Variants in ABCB5 observed in about 807,000 individuals in gnomAD.
ABCB5 encodes the protein ATP-binding cassette sub-family B member 5.
In ABCB5, 155 loss-of-function variants were observed where a neutral mutation model predicts 144.2. The observed-to-expected ratio is 1.08, with a 90% confidence interval of 0.94 to 1.23. The LOEUF is 1.23. Among genes scored for constraint, ABCB5 ranks in the 50% most tolerant of loss-of-function variants. ABCB5 has a pLI of 0.00. For synonymous variants in ABCB5, 610 were observed against 528.6 expected, an observed-to-expected ratio of 1.15 and a Z score of -2.11; for missense variants, 1,830 against 1,520.8, an observed-to-expected ratio of 1.20 and a Z score of -3.38.
In ABCB5 at chr7:20,739,362, T is replaced by C. The variant is rs533867494; in HGVS notation, c.3024+223T>C. 2.6e-3 allele frequency among the ~76,000 whole-genome samples: 398 copies of C among 151,612 alleles called. 1 individual carries two copies. The highest frequency in any genetic ancestry group is 9.1e-3 in the African/African-American group (378 of 41,348). On this transcript the variant is annotated intron_variant, in intron 24 of 27. Transcript: ENST00000404938. ...TATACTCCTGGATCTAAAATAAAAG[T>C]TGAAAAAATAAAATGTAACATAAAT...
At chr7:20,745,604 T>C (rs1384861791) in intron 26 of ABCB5, among the ~76,000 whole-genome samples, 166 bp downstream of exon 26, 3 of 151,966 alleles carry the variant, frequency 2.0e-5, no homozygotes, top group African/African-American at 7.2e-5. Context: ...AAACCAAGTT[T>C]GAGATTTTCG....
intron 14 of ABCB5, among the ~76,000 whole-genome samples, chr7:20,667,801 C>A (rs558759820): frequency 2.7e-5 from 4 of 150,346 alleles, no homozygotes; most frequent in Admixed American, 2.6e-4. Flanking sequence ...GCTGCCATCT[C>A]GGCTCACTGC....
chr7:20,702,471 T>C (rs546555532), intron 19 of ABCB5, among the ~76,000 whole-genome samples: 1 of 152,238 alleles, frequency 6.6e-6, no homozygotes, highest in South Asian at 2.1e-4. Context: ...TTCAGTCAGA[T>C]GGCAGGCCGA....
At chr7:20,747,591 T>TA (rs1273110959) in intron 26 of ABCB5, among the ~76,000 whole-genome samples, 6 of 152,216 alleles carry the variant, frequency 3.9e-5, no homozygotes, top group African/African-American at 1.4e-4. Context: ...TATTATCTTC[T>TA]ATTCTTTTTA....
intron 2 of ABCB5, 101 bp from the exon 3 acceptor site, chr7:20,626,456 C>A: frequency 1.1e-6 from 1 of 927,198 alleles, no homozygotes; most frequent in South Asian, 1.8e-5. Context: ...TATAAATTTG[C>A]TACCAAGGTG....
chr7:20,755,353 T>G, intron 27 of ABCB5, 74 bp from the exon 28 acceptor site: 1 of 1,362,616 alleles, frequency 7.3e-7, no homozygotes, highest in Non-Finnish European at 1.0e-6. Context: ...TTAGACTACC[T>G]TAATTGATTT....
intron 14 of ABCB5, among the ~76,000 whole-genome samples, chr7:20,669,168 C>G (rs1228314940): frequency 2.7e-5 from 4 of 149,200 alleles, no homozygotes; most frequent in Non-Finnish European, 5.9e-5. Context: ...TCTGCCCGGC[C>G]GCCCCTACTG....
rs1172285058 is a variant in ABCB5, at chr7:20,726,358, C to CTTTTTTTTTTTTTTT, written c.2626-672_2626-658dup. Among the ~76,000 whole-genome samples, 6 of 78,420 alleles carry CTTTTTTTTTTTTTTT rather than the reference C, an allele frequency of 7.7e-5. 1 individual carries two copies. The highest frequency in any genetic ancestry group is 4.0e-4 in the Admixed American group (2 of 4,998). 51.4% of individuals were successfully genotyped at this position (78,420 alleles called of 152,430 possible). A position where few individuals can be genotyped will look rare whatever the true frequency, so the allele number is the denominator to read the frequency against. ...TATGTGATTACTTTATCTCTGCTAT[C>CTTTTTTTTTTTTTTT]TTTTTTTTTTTTTTTTTTTTTTTTG... On this transcript the variant is annotated intron_variant, in intron 21 of 27. Transcript: ENST00000404938.
rs71020669 is a variant in ABCB5 at position 20,704,075 on chromosome 7, C to CTTT, written c.2338-635_2338-633dup. On this transcript the variant is annotated intron_variant, in intron 19 of 27. Transcript: ENST00000404938. ...CTAAATTGTGTTGTTTATTGCCTTCCTTTTTTTTTTTTTTTTGTGAGACAG... is the reference window on the plus strand; with the variant it reads ...CTAAATTGTGTTGTTTATTGCCTTCCTTTTTTTTTTTTTTTTTTTGTGAGACAG... Among the ~76,000 whole-genome samples, 6 of 80,762 alleles carry CTTT rather than the reference C, an allele frequency of 7.4e-5. 1 individual carries two copies. The highest frequency in any genetic ancestry group is 1.3e-4 in the Non-Finnish European group (6 of 46,386). 53.0% of individuals were successfully genotyped at this position (80,762 alleles called of 152,430 possible).
rs369958537 is a variant in ABCB5, at chr7:20,626,583, G to T, written c.80G>T (p.Arg27Ile). The T allele has an allele frequency of 5.8e-5, 94 of 1,608,284 alleles. 1 individual carries two copies. The highest frequency in any genetic ancestry group is 7.8e-5 in the Non-Finnish European group (92 of 1,177,236). ...ACTGCAGAAGAACAGCCAAAACTGAGAAAGGAAGCAGTTGGATCTATTGAG... is the reference window on the plus strand; with the variant it reads ...ACTGCAGAAGAACAGCCAAAACTGATAAAGGAAGCAGTTGGATCTATTGAG... ...NGTAEEQPKL[R>I]KEAVGSIEIF... The change falls in exon 3 of 28, where the codon AGA (arginine) becomes ATA (isoleucine). Residue 27 changes from arginine to isoleucine, a missense_variant. Physicochemically the swap from Arg to Ile is moderately conservative, Grantham distance 97. Transcript: ENST00000404938.
At chr7:20,670,542 C>G (rs142146753) in intron 14 of ABCB5, among the ~76,000 whole-genome samples, 12 of 152,282 alleles carry the variant, frequency 7.9e-5, no homozygotes, top group African/African-American at 2.6e-4. Flanking sequence ...TTTTGTTATA[C>G]CATTCATAAG....
chr7:20,719,328 AG>A (rs1781785237), intron 20 of ABCB5, among the ~76,000 whole-genome samples: 1 of 152,198 alleles, frequency 6.6e-6, no homozygotes, highest in Admixed American at 6.5e-5. Context: ...TAAAATGTGT[AG>A]TTCTTATAAA....
At chr7:20,754,588 C>A (rs1207255110) in intron 27 of ABCB5, among the ~76,000 whole-genome samples, 1 of 152,206 alleles carries the variant, frequency 6.6e-6, no homozygotes, top group Non-Finnish European at 1.5e-5. Flanking sequence ...CATAACCTCA[C>A]TGTTGGCTGA....
At chr7:20,736,798 T>C (rs1323810029) in intron 23 of ABCB5, among the ~76,000 whole-genome samples, 1 of 152,212 alleles carries the variant, frequency 6.6e-6, no homozygotes, top group Non-Finnish European at 1.5e-5. Context: ...TGGGTCTGAT[T>C]AGGTAAGGAC....
At chr7:20,731,404 A>T (rs1234124291) in intron 23 of ABCB5, among the ~76,000 whole-genome samples, 3 of 149,518 alleles carry the variant, frequency 2.0e-5, no homozygotes, top group Non-Finnish European at 4.4e-5. Context: ...AATTTACTGG[A>T]TCCTGTTTTT....
At chr7:20,701,104 T>C (rs946461099) in intron 19 of ABCB5, among the ~76,000 whole-genome samples, 1 of 152,144 alleles carries the variant, frequency 6.6e-6, no homozygotes, top group Non-Finnish European at 1.5e-5. Flanking sequence ...TGCAAAAAGG[T>C]CCCATTTCTG....
intron 13 of ABCB5, among the ~76,000 whole-genome samples, chr7:20,655,060 A>AT (rs1168475942): frequency 6.6e-6 from 1 of 151,270 alleles, no homozygotes; most frequent in African/African-American, 2.4e-5. Flanking sequence ...AAAAAAAAAA[A>AT]GTATAACTGT....
At chr7:20,723,718 G>C (rs1781946433) in intron 21 of ABCB5, among the ~76,000 whole-genome samples, 1 of 152,020 alleles carries the variant, frequency 6.6e-6, no homozygotes, top group Non-Finnish European at 1.5e-5. Flanking sequence ...CCATTTTCTG[G>C]TCATTGAATA....
intron 3 of ABCB5, among the ~76,000 whole-genome samples, chr7:20,627,755 T>C (rs188650664): frequency 3.4e-4 from 52 of 152,290 alleles, no homozygotes; most frequent in African/African-American, 1.2e-3. Flanking sequence ...TAATCACAAA[T>C]ATAATTCATT....
Sources: gnomAD v4.1 joint callset for allele counts (sites outside exome capture counted in the v4.1 genomes callset) on GRCh38, gnomAD v4.1.1 for gene constraint, MANE v1.5 for transcripts, NCBI Gene and HGNC (gene_info 2026-07-23, HGNC 2026-07-21) for gene names.